Variants in MARCHF2 observed in about 807,000 individuals in gnomAD.
MARCHF2 encodes the protein membrane associated ring-CH-type finger 2.
Under a neutral mutation model 24.0 loss-of-function variants are expected in MARCHF2, and 22 were observed. That is an observed-to-expected ratio of 0.92 (90% CI 0.66 to 1.31). The LOEUF (loss-of-function observed/expected upper bound fraction) is 1.31. Among genes scored for constraint, MARCHF2 ranks in the 50% most tolerant of loss-of-function variants. The pLI is 0.00. For missense variants in MARCHF2, 301 were observed against 335.3 expected, an observed-to-expected ratio of 0.90 and a Z score of 0.80; for synonymous variants, 154 against 153.0, an observed-to-expected ratio of 1.01 and a Z score of -0.05.
chr19:8,415,725 AAAAAAAAAACAAAAAAAAC>A lies in MARCHF2; in HGVS notation c.-53+2315_-53+2333del, dbSNP rs1172655265. ...AACAAGAGTGAAACTCCATCTCAAA[AAAAAAAAAACAAAAAAAAC>A]AAAAAAAAAAACCAGACAAAAGAAA... On this transcript the variant is annotated intron_variant, in intron 1 of 4. Coordinates refer to ENST00000215555, the MANE Select transcript of MARCHF2 (RefSeq NM_001005415.2). Among the ~76,000 whole-genome samples the A allele has an allele frequency of 9.6e-5, 9 of 94,234 alleles. 1 individual carries two copies. The highest frequency in any genetic ancestry group is 1.5e-4 in the Non-Finnish European group (7 of 45,606). The allele number at this position is 94,234 out of a possible 152,430, so 61.8% of individuals were successfully genotyped here.
intron 2 of MARCHF2, 27 bp downstream of exon 2, chr19:8,422,043 G>A (rs1197029053): frequency 1.3e-6 from 2 of 1,578,930 alleles, no homozygotes; most frequent in Non-Finnish European, 1.7e-6. Flanking sequence ...TGGATATCCT[G>A]GCCTTTGTTG....
At chr19:8,418,965 G>C (rs1339909209) in intron 1 of MARCHF2, among the ~76,000 whole-genome samples, 5 of 152,026 alleles carry the variant, frequency 3.3e-5, no homozygotes, top group African/African-American at 7.2e-5. Flanking sequence ...GGACATTGTA[G>C]CTCTTGGGGG....
At chr19:8,428,682 A>AAAAAAAT (rs1967488225) in intron 3 of MARCHF2, among the ~76,000 whole-genome samples, 1 of 134,906 alleles carries the variant, frequency 7.4e-6, no homozygotes, top group African/African-American at 2.8e-5. Context: ...AAAAAAAAAA[A>AAAAAAAT]ACCAAGGCTG....
intron 3 of MARCHF2, among the ~76,000 whole-genome samples, chr19:8,427,186 G>T (rs554292064): frequency 6.6e-6 from 1 of 151,974 alleles, no homozygotes; most frequent in Non-Finnish European, 1.5e-5. Context: ...TAGCTGGGAT[G>T]ACAGGCGTGC....
Position 8,421,915 on chromosome 19 carries a change from C to G in MARCHF2, c.75C>G (p.Val25=), listed in dbSNP as rs146925848. ...CCGGCAGCCCTGCCTTCTCCAAGGTCGTGGAGGCTACGGGCCTCGGACCGC... is the reference window on the plus strand; with the variant it reads ...CCGGCAGCCCTGCCTTCTCCAAGGTGGTGGAGGCTACGGGCCTCGGACCGC... The part of the protein sequence containing the change: ...DCSGSPAFSK[V]VEATGLGPPQ... Residue 25 remains valine, a synonymous_variant, in exon 2 of 5, where the codon GTC becomes GTG. Coordinates refer to ENST00000215555, the MANE Select transcript of MARCHF2 (RefSeq NM_001005415.2). 2 of 1,613,794 alleles carry G rather than the reference C, an allele frequency of 1.2e-6. No individual in the cohort carries two copies. Among genetic ancestry groups the G allele is most frequent in the African/African-American group, 2.7e-5 (2 of 74,938 alleles).
intron 4 of MARCHF2, among the ~76,000 whole-genome samples, chr19:8,437,225 A>C (rs7408526): frequency 0.86 from 130,802 of 151,840 alleles, 58,842 homozygotes; most frequent in South Asian, 0.99. Flanking sequence ...AGTGGTCCCC[A>C]CGCCTCGACC....
intron 1 of MARCHF2, among the ~76,000 whole-genome samples, chr19:8,414,954 C>T (rs1967038533): frequency 6.6e-6 from 1 of 152,208 alleles, no homozygotes; most frequent in South Asian, 2.1e-4. Context: ...TCTTGAGGTC[C>T]AGAACCACTC....
At chr19:8,428,663 A>C (rs1454080390) in intron 3 of MARCHF2, among the ~76,000 whole-genome samples, 1,601 of 145,560 alleles carry the variant, frequency 0.011, 72 homozygotes, top group African/African-American at 0.038. Flanking sequence ...AAAAAAAAAA[A>C]AAAAAAAAAA....
At chr19:8,414,274 G>A (rs75864804) in intron 1 of MARCHF2, among the ~76,000 whole-genome samples, 11,451 of 151,200 alleles carry the variant, frequency 0.076, 575 homozygotes, top group Middle Eastern at 0.13. Context: ...ATGACTCCCC[G>A]TCTTTTTTTT....
chr19:8,420,262 C>T lies in MARCHF2; in HGVS notation c.-52-1527C>T, dbSNP rs552020670. Among the ~76,000 whole-genome samples the T allele has an allele frequency of 3.7e-3, 557 of 150,432 alleles. 1 individual carries two copies. The highest frequency in any genetic ancestry group is 5.9e-3 in the Non-Finnish European group (399 of 67,670). ...ACTTGGGAGGCTGAGGCAGGAGAAT[C>T]GCTTGAACCCGTAAGGTGGAGGTTG... is the stretch of plus-strand genomic sequence containing the variant. On this transcript the variant is annotated intron_variant, in intron 1 of 4. Transcript: ENST00000215555.
At chr19:8,426,128 G>T (rs1007503043) in intron 2 of MARCHF2, among the ~76,000 whole-genome samples, 1 of 151,540 alleles carries the variant, frequency 6.6e-6, no homozygotes, top group Non-Finnish European at 1.5e-5. Context: ...CTACTCGGGA[G>T]GCTGAGGTGG....
rs1210209463 is a variant in MARCHF2 at position 8,430,804 on chromosome 19, G to A, written c.519G>A (p.Leu173=). 3.1e-6 allele frequency: 5 copies of A among 1,610,782 alleles called. No individual in the cohort carries two copies. The highest frequency in any genetic ancestry group is 1.7e-4 in the Middle Eastern group (1 of 5,836). Residue 173 remains leucine, a synonymous_variant, in exon 4 of 5, where the codon CTG becomes CTA. Coordinates refer to ENST00000215555, the MANE Select transcript of MARCHF2 (RefSeq NM_001005415.2). This position sits in a 1 kb window ranked among gnomAD's most constrained non-coding sequence, Gnocchi z 4.4. ...ACCACCTCCGGCTCCACAGCCAGCT[G>A]GAGGCCGTGGGTCTCATTGCCCTCA... ...AQDHLRLHSQ[L]EAVGLIALTI...
chr19:8,426,880 C>G, intron 3 of MARCHF2, 76 bp downstream of exon 3: 1 of 1,376,016 alleles, frequency 7.3e-7, no homozygotes, highest in Non-Finnish European at 1.0e-6. Context: ...GGAGCTGCCC[C>G]GGGCAATCTG....
chr19:8,423,485 C>T (rs1477887554), intron 2 of MARCHF2: 3 of 151,996 alleles, frequency 2.0e-5, no homozygotes, highest in African/African-American at 7.3e-5. Flanking sequence ...ACAAAGGGTT[C>T]CTTTTTTGTT....
chr19:8,427,478 T>C (rs560212378), intron 3 of MARCHF2, among the ~76,000 whole-genome samples: 1 of 149,516 alleles, frequency 6.7e-6, no homozygotes, highest in African/African-American at 2.5e-5. Flanking sequence ...CCAGTAACTT[T>C]AATCTGGACT....
chr19:8,420,621 C>G (rs1967211554), intron 1 of MARCHF2, among the ~76,000 whole-genome samples: 1 of 151,276 alleles, frequency 6.6e-6, no homozygotes, highest in Admixed American at 6.6e-5. Flanking sequence ...GCCCTGGAGG[C>G]TTTGAGGGTA....
intron 2 of MARCHF2, among the ~76,000 whole-genome samples, chr19:8,422,800 A>T (rs1181299583): frequency 3.0e-5 from 4 of 134,334 alleles, no homozygotes; most frequent in African/African-American, 1.2e-4. Context: ...CGCCTCCCGG[A>T]TTCAAGCGAT....
At chr19:8,434,158 C>T (rs994692165) in intron 4 of MARCHF2, among the ~76,000 whole-genome samples, 4 of 145,240 alleles carry the variant, frequency 2.8e-5, no homozygotes, top group African/African-American at 1.0e-4. Context: ...AATGTTGGCT[C>T]ACTGCCATCT....
Position 8,430,607 on chromosome 19 carries a change from G to A in MARCHF2, c.373-51G>A, listed in dbSNP as rs756861686. The stretch of plus-strand genomic sequence containing the variant: ...TGGAGGTCCTTACCCCTCCCCCTCA[G>A]TAGCCCCTTCTCTGCCCCCTCTCCT... On this transcript the variant is annotated intron_variant, in intron 3 of 4. Transcript: ENST00000215555. The surrounding 1 kb of genome is among the most constrained non-coding windows in gnomAD (Gnocchi z 4.4). 52 of 1,490,886 alleles carry A rather than the reference G, an allele frequency of 3.5e-5. No homozygotes were observed. Among genetic ancestry groups the A allele is most frequent in the Non-Finnish European group, 4.6e-5 (50 of 1,082,348 alleles). 92.4% of individuals were successfully genotyped at this position (1,490,886 alleles called of 1,614,324 possible). A position where few individuals can be genotyped will look rare whatever the true frequency, so the allele number is the denominator to read the frequency against.
Sources: gnomAD v4.1 joint callset for allele counts (sites outside exome capture counted in the v4.1 genomes callset) on GRCh38, gnomAD v4.1.1 for gene constraint, Gnocchi (gnomAD v3.1) non-coding constraint, MANE v1.5 for transcripts, NCBI Gene and HGNC (gene_info 2026-07-23, HGNC 2026-07-21) for gene names.